RAB3C: variants seen among roughly 807,000 people sequenced by gnomAD.
The protein encoded by RAB3C is ras-related protein Rab-3C.
A neutral mutation model predicts 26.4 loss-of-function variants in RAB3C; 17 were observed. That is an observed-to-expected ratio of 0.64 (90% CI 0.44 to 0.97). RAB3C has a LOEUF of 0.97. Ranked by LOEUF, RAB3C falls within the 50% of genes least tolerant of loss-of-function variation. The probability of loss-of-function intolerance (pLI) is 0.00; values close to 1 mark genes in which losing one functional copy is unlikely to be tolerated. For synonymous variants in RAB3C, 91 were observed against 95.9 expected, an observed-to-expected ratio of 0.95 and a Z score of 0.30; for missense variants, 242 against 281.9, an observed-to-expected ratio of 0.86 and a Z score of 1.01.
Position 58,758,738 on chromosome 5 carries a change from G to A in RAB3C, c.371+32618G>A, listed in dbSNP as rs142781716. On this transcript the variant is annotated intron_variant, in intron 3 of 4. Transcript: ENST00000282878. ...CACCAGAGCTAAGATAAAGGATGAC[G>A]ACCAAAGTAACATAGAGGCCAGTGA... 2.2e-3 allele frequency among the ~76,000 whole-genome samples: 328 copies of A among 152,292 alleles called. 1 individual carries two copies. Among genetic ancestry groups the A allele is most frequent in the African/African-American group, 7.5e-3 (312 of 41,562 alleles).
At chr5:58,655,789 C>CTTTTTTTTT (rs34352086) in intron 2 of RAB3C, among the ~76,000 whole-genome samples, 7 of 91,604 alleles carry the variant, frequency 7.6e-5, no homozygotes, top group Non-Finnish European at 1.0e-4. Flanking sequence ...AAACCTAACT[C>CTTTTTTTTT]TTTTTTTTTT....
At chr5:58,675,038 T>C (rs1748194366) in intron 2 of RAB3C, among the ~76,000 whole-genome samples, 1 of 152,056 alleles carries the variant, frequency 6.6e-6, no homozygotes, top group South Asian at 2.1e-4. Context: ...CATATTGAAG[T>C]TTTTAAACTG....
chr5:58,717,996 C>T (rs749701348), intron 2 of RAB3C, among the ~76,000 whole-genome samples: 3 of 152,050 alleles, frequency 2.0e-5, no homozygotes, highest in African/African-American at 7.2e-5. Flanking sequence ...CATTCAAAAG[C>T]CTGTTATCCT....
chr5:58,595,319 G>T (rs557836099), intron 1 of RAB3C, among the ~76,000 whole-genome samples: 1 of 152,274 alleles, frequency 6.6e-6, no homozygotes, highest in South Asian at 2.1e-4. Flanking sequence ...CAGCTTGACT[G>T]GGCAGACTGG....
intron 2 of RAB3C, among the ~76,000 whole-genome samples, chr5:58,667,508 G>A (rs1748025381): frequency 6.6e-6 from 1 of 152,126 alleles, no homozygotes; most frequent in Non-Finnish European, 1.5e-5. Flanking sequence ...GCCCCGGGCT[G>A]CCTACCCCAG....
chr5:58,698,717 G>A (rs1010418814), intron 2 of RAB3C, among the ~76,000 whole-genome samples: 3 of 152,020 alleles, frequency 2.0e-5, no homozygotes, highest in Non-Finnish European at 2.9e-5. Context: ...TGATCAAGTT[G>A]GCTATTGAAG....
chr5:58,651,213 T>A (rs1025597729), intron 2 of RAB3C, among the ~76,000 whole-genome samples: 1 of 152,224 alleles, frequency 6.6e-6, no homozygotes, highest in Non-Finnish European at 1.5e-5. Flanking sequence ...GAGGTAGAAA[T>A]GCTGATCTGC....
chr5:58,644,808 T>C (rs951476323), intron 2 of RAB3C, among the ~76,000 whole-genome samples: 2 of 152,226 alleles, frequency 1.3e-5, no homozygotes, highest in Non-Finnish European at 2.9e-5. Context: ...GCTACCATGA[T>C]GGCAGGCTTC....
At chr5:58,827,142 A>AT (rs1038723591) in intron 4 of RAB3C, among the ~76,000 whole-genome samples, 36 of 152,062 alleles carry the variant, frequency 2.4e-4, no homozygotes, top group African/African-American at 8.5e-4. Context: ...AAAAATGATA[A>AT]TTTTTTTTCT....
At chr5:58,696,814 C>A (rs1311093257) in intron 2 of RAB3C, among the ~76,000 whole-genome samples, 5 of 151,772 alleles carry the variant, frequency 3.3e-5, no homozygotes, top group African/African-American at 1.2e-4. Context: ...TTCTCTCTTT[C>A]CTTCTTTATT....
chr5:58,797,344 A>AG (rs1275234368), intron 3 of RAB3C, among the ~76,000 whole-genome samples: 2 of 5,318 alleles, frequency 3.8e-4, no homozygotes, highest in Non-Finnish European at 2.3e-3. Flanking sequence ...GAAGACAAAA[A>AG]AAAAAAAAAA....
intron 2 of RAB3C, among the ~76,000 whole-genome samples, chr5:58,706,622 C>T (rs571354759): frequency 6.6e-5 from 10 of 152,268 alleles, no homozygotes; most frequent in Non-Finnish European, 1.3e-4. Context: ...TGTTAGCCTT[C>T]CAATACCTCA....
At chr5:58,721,470 G>C (rs1046895268) in intron 2 of RAB3C, among the ~76,000 whole-genome samples, 1 of 151,668 alleles carries the variant, frequency 6.6e-6, no homozygotes, top group African/African-American at 2.4e-5. Flanking sequence ...CCAGCTTCCT[G>C]GGCAAATTGG....
chr5:58,621,020 A>C (rs1476976171), intron 2 of RAB3C, among the ~76,000 whole-genome samples: 1 of 152,166 alleles, frequency 6.6e-6, no homozygotes, highest in Non-Finnish European at 1.5e-5. Context: ...CTCACAAATC[A>C]CTTATTTGGA....
chr5:58,717,401 A>T (rs2111906921), intron 2 of RAB3C, among the ~76,000 whole-genome samples: 1 of 152,146 alleles, frequency 6.6e-6, no homozygotes, highest in East Asian at 1.9e-4. Context: ...TGCAATTACA[A>T]TTCTTTCTTG....
At chr5:58,696,182 A>T (rs543798379) in intron 2 of RAB3C, among the ~76,000 whole-genome samples, 3 of 152,162 alleles carry the variant, frequency 2.0e-5, no homozygotes, top group Non-Finnish European at 4.4e-5. Flanking sequence ...TGAGATACTC[A>T]TGTGGTTTTT....
At chr5:58,582,397 A>G, upstream of RAB3C, 5 of 985,384 alleles carry the variant, frequency 5.1e-6, no homozygotes, top group Non-Finnish European at 6.0e-6. Context: ...TCGAGTTGTA[A>G]TGGAGCTGTA....
Position 58,768,363 on chromosome 5 carries a change from T to C in RAB3C, c.371+42243T>C, listed in dbSNP as rs115538311. ...ATAAATTTCTTTGCCATATTTCTTA[T>C]GTAGTTGAGTGGATCAGTTAATCAC... is the stretch of plus-strand genomic sequence containing the variant. On this transcript the variant is annotated intron_variant, in intron 3 of 4. Transcript: ENST00000282878. 2.8e-3 allele frequency among the ~76,000 whole-genome samples: 424 copies of C among 152,250 alleles called. 1 individual carries two copies. Among genetic ancestry groups the C allele is most frequent in the Middle Eastern group, 6.8e-3 (2 of 294 alleles).
At chr5:58,714,824 A>G (rs1273789717) in intron 2 of RAB3C, among the ~76,000 whole-genome samples, 1 of 151,988 alleles carries the variant, frequency 6.6e-6, no homozygotes, top group Non-Finnish European at 1.5e-5. Context: ...CCAAAGAGAA[A>G]GCAGGATATG....
Sources: allele counts gnomAD v4.1 joint callset (sites outside exome capture counted in the v4.1 genomes callset), GRCh38; gene constraint gnomAD v4.1.1; transcripts MANE v1.5; gene names NCBI Gene and HGNC (gene_info 2026-07-23, HGNC 2026-07-21).